The following CNPY4 variants were observed in gnomAD, a reference collection of about 807,000 sequenced individuals.
CNPY4 encodes the protein canopy FGF signaling regulator 4.
Under a neutral mutation model 30.1 loss-of-function variants are expected in CNPY4, and 33 were observed. That is an observed-to-expected ratio of 1.10 (90% CI 0.83 to 1.46). The LOEUF is 1.46. Among genes scored for constraint, CNPY4 ranks in the 40% most tolerant of loss-of-function variants. The pLI is 0.00. For missense variants in CNPY4, 324 were observed against 302.6 expected (o/e 1.07, Z -0.52); for synonymous variants, 109 against 110.1 (o/e 0.99, Z 0.06).
chr7:100,122,270 C>A lies in CNPY4; in HGVS notation c.130C>A (p.Leu44Met). 6.2e-7 allele frequency: 1 copy of A among 1,613,938 alleles called. No individual in the cohort carries two copies. The highest frequency in any genetic ancestry group is 2.2e-5 in the East Asian group (1 of 44,878). Residue 44 changes from leucine (L) to methionine (M), a missense_variant, in exon 2 of 6, where the codon CTG becomes ATG. Physicochemically the swap from Leu to Met is conservative, Grantham distance 15. Coordinates refer to ENST00000262932, the MANE Select transcript of CNPY4 (RefSeq NM_152755.2). Reference protein sequence around the residue: ...LPSKCEVCKLLSTELQAELSR... With the variant: ...LPSKCEVCKLMSTELQAELSR... ...CTCCTCCCCACCAGTGTGTAAGCTG[C>A]TGAGCACAGAGCTACAGGCGGAACT...
chr7:100,119,928 C>G (rs1185200764), intron 1 of CNPY4, 66 bp downstream of exon 1: 2 of 1,455,434 alleles, frequency 1.4e-6, no homozygotes, highest in South Asian at 2.6e-5. Context: ...GGCCGGACAT[C>G]CTAGCCTGTA....
chr7:100,122,054 A>AG lies in CNPY4; in HGVS notation c.119-205_119-204insG. On this transcript the variant is annotated intron_variant, in intron 1 of 5. Coordinates refer to ENST00000262932, the MANE Select transcript of CNPY4 (RefSeq NM_152755.2). Reference sequence around the variant, plus strand: ...GACAGAGCGAGAGTCCGTCTGAAAAAAAAAAAAAAAAAGATGAAGAAACCG... The same window carrying AG: ...GACAGAGCGAGAGTCCGTCTGAAAAAGAAAAAAAAAAAAGATGAAGAAACCG... 1.0e-5 allele frequency: 5 copies of AG among 498,904 alleles called. No individual in the cohort carries two copies. The East Asian group carries it at 2.2e-4, about 22-fold the overall frequency. 30.9% of individuals were successfully genotyped at this position (498,904 alleles called of 1,614,324 possible). A position where few individuals can be genotyped will look rare whatever the true frequency, so the allele number is the denominator to read the frequency against.
rs1797967181 is a variant in CNPY4 at position 100,119,723 on chromosome 7, T to A, written c.-22T>A. The A allele has an allele frequency of 6.2e-7, 1 of 1,613,820 alleles. No individual in the cohort carries two copies. The highest frequency in any genetic ancestry group is 8.5e-7 in the Non-Finnish European group (1 of 1,179,922). On this transcript the variant is annotated 5_prime_UTR_variant, in exon 1 of 6. Coordinates refer to ENST00000262932, the MANE Select transcript of CNPY4 (RefSeq NM_152755.2). Reference sequence around the variant, plus strand: ...CCCGAAGTTGAAGGCAAGCGGTGATTGTTTGTAGACGGCGCTTTGTCATGG... The same window carrying A: ...CCCGAAGTTGAAGGCAAGCGGTGATAGTTTGTAGACGGCGCTTTGTCATGG...
In CNPY4 at chr7:100,119,864, T is replaced by C. The variant is rs770694020; in HGVS notation, c.118+2T>C. On this transcript the variant is annotated splice_donor_variant, in intron 1 of 5. Coordinates refer to ENST00000262932, the MANE Select transcript of CNPY4 (RefSeq NM_152755.2). LOFTEE classifies it high-confidence loss of function. ...AACGCTTGCCCAGCAAATGCGAAGG[T>C]ATTTGAAGGGGGTAGCCCCTATAGG... 5.6e-6 allele frequency: 9 copies of C among 1,610,772 alleles called. No homozygotes were observed. The highest frequency in any genetic ancestry group is 7.6e-6 in the Non-Finnish European group (9 of 1,178,600).
chr7:100,121,866 C>G (rs979022975), intron 1 of CNPY4, among the ~76,000 whole-genome samples: 1 of 146,042 alleles, frequency 6.8e-6, no homozygotes, highest in Non-Finnish European at 1.5e-5. Context: ...CTGGCTAACA[C>G]GGTGAAACCC....
chr7:100,125,015 T>G lies in CNPY4; in HGVS notation c.*127T>G. The G allele has an allele frequency of 2.5e-5, 28 of 1,130,940 alleles. No individual in the cohort carries two copies. Among genetic ancestry groups the G allele is most frequent in the South Asian group, 3.2e-5 (2 of 63,258 alleles). 70.1% of individuals were successfully genotyped at this position (1,130,940 alleles called of 1,614,324 possible). A position where few individuals can be genotyped will look rare whatever the true frequency, so the allele number is the denominator to read the frequency against. ...TCCACCCAAGCTTGTAGCTGTTCTCTCCCATCTAACCTCAGGCAAGATCCT... is the reference window on the plus strand; with the variant it reads ...TCCACCCAAGCTTGTAGCTGTTCTCGCCCATCTAACCTCAGGCAAGATCCT... On this transcript the variant is annotated 3_prime_UTR_variant, in exon 6 of 6. Coordinates refer to ENST00000262932, the MANE Select transcript of CNPY4 (RefSeq NM_152755.2).
intron 1 of CNPY4, 167 bp from the exon 2 acceptor site, chr7:100,122,092 C>A: frequency 1.5e-6 from 1 of 653,920 alleles, no homozygotes; most frequent in Non-Finnish European, 2.5e-6. Flanking sequence ...GCACAGCAAG[C>A]AGGAAGATTG....
intron 4 of CNPY4, among the ~76,000 whole-genome samples, chr7:100,123,375 G>C (rs997593900): frequency 1.3e-5 from 2 of 151,382 alleles, no homozygotes; most frequent in Non-Finnish European, 2.9e-5. Context: ...CAAAAAAAAA[G>C]AAATCATAAT....
chr7:100,119,967 G>C (rs573488352), intron 1 of CNPY4, 105 bp downstream of exon 1: 41 of 1,009,188 alleles, frequency 4.1e-5, no homozygotes, highest in Non-Finnish European at 5.5e-5. Flanking sequence ...CTCCTTGAAG[G>C]CTTGAGGGAG....
chr7:100,122,953 A>G (rs753178936), intron 4 of CNPY4, 47 bp downstream of exon 4: 3 of 1,573,336 alleles, frequency 1.9e-6, no homozygotes. Flanking sequence ...AGGGAACCTG[A>G]GAGGGGAGCT....
At chr7:100,121,652 C>G (rs942303718) in intron 1 of CNPY4, among the ~76,000 whole-genome samples, 2 of 151,358 alleles carry the variant, frequency 1.3e-5, no homozygotes, top group African/African-American at 4.9e-5. Context: ...ACCATGTGGG[C>G]CAGGCTGGTC....
intron 4 of CNPY4, 123 bp downstream of exon 4, chr7:100,123,029 C>T (rs1798115236): frequency 1.8e-6 from 2 of 1,113,454 alleles, no homozygotes; most frequent in Non-Finnish European, 2.5e-6. Flanking sequence ...AGAGTGAGGA[C>T]TGTGCCATTG....
intron 4 of CNPY4, among the ~76,000 whole-genome samples, chr7:100,123,553 T>A (rs1356555978): frequency 6.6e-6 from 1 of 151,934 alleles, no homozygotes; most frequent in Non-Finnish European, 1.5e-5. Flanking sequence ...GGAGTTTCAC[T>A]CTTATTGCCC....
Position 100,125,269 on chromosome 7 carries a change from G to A in CNPY4, c.*381G>A, listed in dbSNP as rs1798181930. The stretch of plus-strand genomic sequence containing the variant: ...AAGGTCTGTTTTTAGACCCTTCCAA[G>A]GAAGAGGCCAGAACGGACATTCTCT... On this transcript the variant is annotated 3_prime_UTR_variant, in exon 6 of 6. Coordinates refer to ENST00000262932, the MANE Select transcript of CNPY4 (RefSeq NM_152755.2). The A allele has an allele frequency of 1.1e-5, 2 of 190,348 alleles. No homozygotes were observed. The highest frequency in any genetic ancestry group is 1.1e-4 in the Admixed American group (2 of 19,000). The allele number at this position is 190,348 out of a possible 1,614,324, so 11.8% of individuals were successfully genotyped here. A position where few individuals can be genotyped will look rare whatever the true frequency, so the allele number is the denominator to read the frequency against.
intron 1 of CNPY4, chr7:100,120,086 C>G (rs1010905465): frequency 2.2e-5 from 10 of 445,466 alleles, no homozygotes; most frequent in Non-Finnish European, 4.0e-5. Flanking sequence ...GGCTTGGAAC[C>G]CCCCGCCCGC....
chr7:100,120,652 CCT>C (rs1230744457), intron 1 of CNPY4, among the ~76,000 whole-genome samples: 3 of 152,222 alleles, frequency 2.0e-5, no homozygotes, highest in East Asian at 3.8e-4. Flanking sequence ...GCTCTTCTCC[CCT>C]GACCTGTCAA....
At chr7:100,121,906 C>T (rs565947580) in intron 1 of CNPY4, 14 of 201,806 alleles carry the variant, frequency 6.9e-5, no homozygotes, top group Admixed American at 6.4e-4. Context: ...AAAAATTAGC[C>T]GGGCGTGGTG....
Position 100,119,766 on chromosome 7 carries a change from A to C in CNPY4, c.22A>C (p.Ile8Leu). 1 of 1,614,130 alleles carries C rather than the reference A, an allele frequency of 6.2e-7. No homozygotes were observed. Among genetic ancestry groups the C allele is most frequent in the Non-Finnish European group, 8.5e-7 (1 of 1,179,998 alleles). The change falls in exon 1 of 6, where the codon ATA (isoleucine) becomes CTA (leucine). Residue 8 changes from isoleucine (I) to leucine (L), a missense_variant. Coordinates refer to ENST00000262932, the MANE Select transcript of CNPY4 (RefSeq NM_152755.2). ...TGTCATGGGACCTGTGCGGTTGGGAATATTGCTTTTCCTTTTTTTGGCCGT... is the reference window on the plus strand; with the variant it reads ...TGTCATGGGACCTGTGCGGTTGGGACTATTGCTTTTCCTTTTTTTGGCCGT... MGPVRLGILLFLFLAVHE... is the reference protein window; with the variant it reads MGPVRLGLLLFLFLAVHE...
Position 100,124,758 on chromosome 7 carries a change from T to A in CNPY4, c.617T>A (p.Ile206Asn). The stretch of plus-strand genomic sequence containing the variant: ...CAGGAAACTTGGACTGGAAAGGAGA[T>A]CACAGATGGGGAAGAGAAAACAGAA... Reference protein sequence around the residue: ...CLQETWTGKEITDGEEKTEGE... With the variant: ...CLQETWTGKENTDGEEKTEGE... Residue 206 changes from isoleucine to asparagine, a missense_variant, in exon 6 of 6, where the codon ATC becomes AAC. Coordinates refer to ENST00000262932, the MANE Select transcript of CNPY4 (RefSeq NM_152755.2). 6.2e-7 allele frequency: 1 copy of A among 1,613,290 alleles called. No individual in the cohort carries two copies. The highest frequency in any genetic ancestry group is 8.5e-7 in the Non-Finnish European group (1 of 1,179,878).
Sources: gnomAD v4.1 joint callset for allele counts (sites outside exome capture counted in the v4.1 genomes callset) on GRCh38, gnomAD v4.1.1 for gene constraint, MANE v1.5 for transcripts, NCBI Gene and HGNC (gene_info 2026-07-23, HGNC 2026-07-21) for gene names.